FRMD6: variants seen among roughly 807,000 people sequenced by gnomAD.
FRMD6 encodes the protein FERM domain-containing protein 6.
FRMD6 carries 37 observed loss-of-function variants against 73.2 expected under a neutral mutation model. The observed-to-expected ratio is 0.51, with a 90% CI of 0.39 to 0.66. The LOEUF (loss-of-function observed/expected upper bound fraction) is 0.66. Ranked by LOEUF, FRMD6 falls within the 30% of genes least tolerant of loss-of-function variation. The pLI, the probability that FRMD6 is intolerant of heterozygous loss-of-function variation, is 0.00. For missense variants in FRMD6, 714 were observed against 780.5 expected (o/e 0.91, Z 1.02); for synonymous variants, 273 against 282.2 (o/e 0.97, Z 0.33).
the FRMD6 span, among the ~76,000 whole-genome samples, chr14:51,466,315 A>G: frequency 1.3e-5 from 2 of 152,216 alleles, no homozygotes; most frequent in East Asian, 3.8e-4. Flanking sequence ...TTGAGTCCTG[A>G]GAATCCTTTG....
chr14:51,712,606 T>G, intron 9 of FRMD6, 55 bp downstream of exon 9: 1 of 1,094,354 alleles, frequency 9.1e-7, no homozygotes. Flanking sequence ...CTTACTTTTT[T>G]GGGTTTCTGT....
chr14:51,613,315 A>G (rs1411809670), intron 2 of FRMD6, among the ~76,000 whole-genome samples: 5 of 152,114 alleles, frequency 3.3e-5, no homozygotes, highest in Non-Finnish European at 5.9e-5. Context: ...GATTGTTTGC[A>G]TGTGTGGGTG....
In FRMD6 at chr14:51,605,926, CCACTT is replaced by C. The variant is rs547883803; in HGVS notation, c.-147+35517_-147+35521del. Among the ~76,000 whole-genome samples the C allele has an allele frequency of 2.4e-3, 364 of 152,308 alleles. 3 individuals are homozygous for C. The highest frequency in any genetic ancestry group is 8.5e-3 in the African/African-American group (352 of 41,558). ...TGAGGCTGGATACACTGAACCCACT[CCACTT>C]TATTACTCAGGCTCCATGCTGTTGT... On this transcript the variant is annotated intron_variant, in intron 2 of 14. Coordinates refer to the FRMD6 transcript ENST00000356218.
intron 2 of FRMD6, among the ~76,000 whole-genome samples, chr14:51,606,601 A>C: frequency 6.6e-6 from 1 of 152,212 alleles, no homozygotes; most frequent in Non-Finnish European, 1.5e-5. Flanking sequence ...TGAGTGTCTG[A>C]AATGAATGCT....
the FRMD6 span, among the ~76,000 whole-genome samples, chr14:51,452,028 G>C: frequency 1.3e-5 from 2 of 152,314 alleles, no homozygotes; most frequent in Non-Finnish European, 2.9e-5. Context: ...GGGCAGAGAT[G>C]GGGTGAGATT....
chr14:51,696,421 GTTA>G (rs772473425), intron 2 of FRMD6, among the ~76,000 whole-genome samples: 14 of 150,872 alleles, frequency 9.3e-5, no homozygotes, highest in Non-Finnish European at 1.6e-4. Context: ...ATTTGTATGA[GTTA>G]TTATTTATAA....
At chr14:51,658,245 A>G (rs10134974) in intron 1 of FRMD6, among the ~76,000 whole-genome samples, 20,874 of 152,130 alleles carry the variant, frequency 0.14, 1,567 homozygotes, top group African/African-American at 0.17. Context: ...CTGTAGCCCA[A>G]TGAGGCAGAA....
At chr14:51,554,853 C>T (rs1887038986) in intron 1 of FRMD6, 1 of 152,190 alleles carries the variant, frequency 6.6e-6, no homozygotes, top group African/African-American at 2.4e-5. Context: ...TAGTTATTGA[C>T]ACTGCATCAA....
At chr14:51,565,273 T>C (rs2139542384) in intron 1 of FRMD6, 1 of 152,332 alleles carries the variant, frequency 6.6e-6, no homozygotes. Flanking sequence ...TTTCCCAAAC[T>C]GAAATGACTT....
At chr14:51,528,733 T>C (rs974543105) in intron 1 of FRMD6, among the ~76,000 whole-genome samples, 2 of 152,182 alleles carry the variant, frequency 1.3e-5, no homozygotes, top group African/African-American at 2.4e-5. Context: ...AGGAAATCAT[T>C]TGATAGTTCT....
At chr14:51,656,882 A>T (rs932345685) in intron 1 of FRMD6, among the ~76,000 whole-genome samples, 1 of 152,226 alleles carries the variant, frequency 6.6e-6, no homozygotes, top group Non-Finnish European at 1.5e-5. Flanking sequence ...GACTCTCAGT[A>T]TTCCAAATGG....
chr14:51,527,982 A>C (rs1885357909), intron 1 of FRMD6, among the ~76,000 whole-genome samples: 1 of 152,088 alleles, frequency 6.6e-6, no homozygotes. Context: ...TCTCTACAAA[A>C]ACTAGAAAAA....
chr14:51,607,580 C>A (rs1890314136), intron 2 of FRMD6, among the ~76,000 whole-genome samples: 1 of 152,162 alleles, frequency 6.6e-6, no homozygotes, highest in Non-Finnish European at 1.5e-5. Flanking sequence ...AGGTCTCCCT[C>A]CCTCCCCCAT....
the FRMD6 span, among the ~76,000 whole-genome samples, chr14:51,456,264 C>T: frequency 1.3e-5 from 2 of 152,092 alleles, no homozygotes; most frequent in South Asian, 2.1e-4. Context: ...AACCCATCAC[C>T]TACATTAGGT....
chr14:51,444,383 C>G, the FRMD6 span, among the ~76,000 whole-genome samples: 1 of 152,226 alleles, frequency 6.6e-6, no homozygotes, highest in Non-Finnish European at 1.5e-5. Context: ...AAGATGAGAA[C>G]TGGCATGTGG....
At chr14:51,610,196 G>C (rs1299235423) in intron 2 of FRMD6, among the ~76,000 whole-genome samples, 1 of 152,074 alleles carries the variant, frequency 6.6e-6, no homozygotes, top group Non-Finnish European at 1.5e-5. Context: ...TGGACCCGGG[G>C]GTGGGGGAGT....
chr14:51,585,755 T>C (rs1888990310), intron 2 of FRMD6, among the ~76,000 whole-genome samples: 1 of 151,636 alleles, frequency 6.6e-6, no homozygotes, highest in East Asian at 1.9e-4. Context: ...TTTCACTCTG[T>C]ATGGTCATGT....
chr14:51,430,676 C>T, the FRMD6 span, among the ~76,000 whole-genome samples: 10 of 152,176 alleles, frequency 6.6e-5, no homozygotes, highest in East Asian at 1.9e-3. Context: ...AAGAATTCCC[C>T]AGTGAGAACA....
chr14:51,582,536 C>T (rs1179640623), intron 2 of FRMD6, among the ~76,000 whole-genome samples: 1 of 152,164 alleles, frequency 6.6e-6, no homozygotes, highest in Non-Finnish European at 1.5e-5. Context: ...ACAAGCCTTC[C>T]CACTAGCCCA....
Sources: allele counts gnomAD v4.1 joint callset (sites outside exome capture counted in the v4.1 genomes callset), GRCh38; gene constraint gnomAD v4.1.1; transcripts MANE v1.5; gene names NCBI Gene and HGNC (gene_info 2026-07-23, HGNC 2026-07-21).